The following FCER2 variants were observed in gnomAD, a reference collection of about 807,000 sequenced individuals.
FCER2 encodes the protein Fc epsilon receptor II, also known as low affinity immunoglobulin epsilon Fc receptor.
A neutral mutation model predicts 49.7 loss-of-function variants in FCER2; 38 were observed. The observed-to-expected ratio is 0.76, with a 90% CI of 0.59 to 1.00. The LOEUF is 1.00. Ranked by LOEUF, FCER2 falls within the 50% of genes least tolerant of loss-of-function variation. The probability of loss-of-function intolerance (pLI) is 0.00; values close to 1 mark genes in which losing one functional copy is unlikely to be tolerated. For missense variants in FCER2, 425 were observed against 419.5 expected (o/e 1.01, Z -0.11); for synonymous variants, 163 against 164.6 (o/e 0.99, Z 0.07).
At chr19:7,696,608 CTT>C (rs35085623) in intron 8 of FCER2, 126,816 of 583,150 alleles carry the variant, frequency 0.22, 15,007 homozygotes, top group African/African-American at 0.33. Context: ...CCATCAGAAA[CTT>C]AGTCCTATTT....
At position 7,690,441 on chromosome 19, in the gene FCER2, C is replaced by A. The variant is rs758952802; in HGVS notation, c.586G>T (p.Gly196Trp). The change falls in exon 9 of 11, where the codon GGG (glycine) becomes TGG (tryptophan). Residue 196 changes from glycine (G) to tryptophan (W), a missense_variant. Gly to Trp is a radical substitution (Grantham distance 184). Transcript: ENST00000597921. ...GGGCTGTGGATGCTGACCAGCTGCC[C>A]TTCCATGTCGTCACAGGCATACCGG... ...HARYACDDMEGQLVSIHSPEE... is the reference protein window; with the variant it reads ...HARYACDDMEWQLVSIHSPEE... The A allele has an allele frequency of 6.2e-7, 1 of 1,614,100 alleles. No homozygotes were observed. Among genetic ancestry groups the A allele is most frequent in the Non-Finnish European group, 8.5e-7 (1 of 1,179,958 alleles).
chr19:7,699,672 T>C (rs2033111391), intron 2 of FCER2, 67 bp downstream of exon 2: 1 of 1,513,760 alleles, frequency 6.6e-7, no homozygotes, highest in South Asian at 1.1e-5. Flanking sequence ...CCGCTTCTCT[T>C]CTGGGTGAAA....
At chr19:7,701,860 G>C (rs1044750050) in intron 1 of FCER2, among the ~76,000 whole-genome samples, 155 bp downstream of exon 1, 2 of 150,690 alleles carry the variant, frequency 1.3e-5, no homozygotes, top group Non-Finnish European at 1.5e-5. Context: ...TCCACACTGC[G>C]GCCCCCACCC....
chr19:7,696,094 C>T (rs1031389184), intron 8 of FCER2, among the ~76,000 whole-genome samples: 9 of 151,698 alleles, frequency 5.9e-5, no homozygotes, highest in South Asian at 4.2e-4. Context: ...CCACCACACC[C>T]GGTTAATTTT....
At position 7,689,381 on chromosome 19, in the gene FCER2, C is replaced by T. The variant is rs138745804; in HGVS notation, c.778G>A (p.Val260Met). 1.1e-5 allele frequency: 17 copies of T among 1,608,136 alleles called. No individual in the cohort carries two copies. In the Admixed American group the frequency reaches 1.4e-4, roughly 13 times the overall value. Residue 260 changes from valine (V) to methionine (M), a missense_variant, in exon 11 of 11, where the codon GTG becomes ATG. Coordinates refer to ENST00000597921, the MANE Select transcript of FCER2 (RefSeq NM_001220500.2). ...CAGCGACCGGAGCCCCGCATCATCACGCAGTCCTCGCCCTGGCTCCGGCTG... is the reference window on the plus strand; with the variant it reads ...CAGCGACCGGAGCCCCGCATCATCATGCAGTCCTCGCCCTGGCTCCGGCTG... ...PTSRSQGEDCVMMRGSGRWND... is the reference protein window; with the variant it reads ...PTSRSQGEDCMMMRGSGRWND...
Position 7,699,831 on chromosome 19 carries a change from C to A in FCER2, c.-71G>T. 2 of 1,426,344 alleles carry A rather than the reference C, an allele frequency of 1.4e-6. No individual in the cohort carries two copies. Among genetic ancestry groups the A allele is most frequent in the Non-Finnish European group, 2.0e-6 (2 of 1,010,644 alleles). 88.4% of individuals were successfully genotyped at this position (1,426,344 alleles called of 1,614,324 possible). Reference sequence around the variant, plus strand: ...GACAACGCAGTCCACTCAGCGGGCACAATCACAGCTCTGGCTGATTTGGGA... The same window carrying A: ...GACAACGCAGTCCACTCAGCGGGCAAAATCACAGCTCTGGCTGATTTGGGA... On this transcript the variant is annotated 5_prime_UTR_variant, in exon 2 of 11. Coordinates refer to ENST00000597921, the MANE Select transcript of FCER2 (RefSeq NM_001220500.2).
chr19:7,696,471 G>C (rs995511631), intron 8 of FCER2, among the ~76,000 whole-genome samples: 24 of 151,918 alleles, frequency 1.6e-4, no homozygotes, highest in Admixed American at 6.6e-5. Flanking sequence ...CCTGACCTCA[G>C]GTGATCCACC....
intron 8 of FCER2, among the ~76,000 whole-genome samples, chr19:7,691,505 A>T (rs2032870665): frequency 6.6e-6 from 1 of 151,032 alleles, no homozygotes; most frequent in Admixed American, 6.6e-5. Context: ...GGCTAGCAAC[A>T]CTTCAATCAC....
At position 7,690,510 on chromosome 19, in the gene FCER2, T is replaced by G; in HGVS notation, c.517A>C (p.Lys173Gln). 1.2e-6 allele frequency: 2 copies of G among 1,614,082 alleles called. No individual in the cohort carries two copies. Among genetic ancestry groups the G allele is most frequent in the Non-Finnish European group, 1.7e-6 (2 of 1,179,972 alleles). The change falls in exon 9 of 11, where the codon AAG becomes CAG. Residue 173 changes from lysine (K) to glutamine (Q), a missense_variant. Coordinates refer to ENST00000597921, the MANE Select transcript of FCER2 (RefSeq NM_001220500.2). Reference sequence around the variant, plus strand: ...GTGCCCTTGCCGAAGTAGTAGCACTTCCGTTGGAAATTGATCCACTTTTCA... The same window carrying G: ...GTGCCCTTGCCGAAGTAGTAGCACTGCCGTTGGAAATTGATCCACTTTTCA... Reference protein sequence around the residue: ...CPEKWINFQRKCYYFGKGTKQ... With the variant: ...CPEKWINFQRQCYYFGKGTKQ...
chr19:7,699,500 T>C (rs913602533), intron 2 of FCER2: 5 of 1,380,724 alleles, frequency 3.6e-6, no homozygotes, highest in South Asian at 1.3e-5. Flanking sequence ...TTTCTTTTTC[T>C]TTTTTTGTCA....
In FCER2 at chr19:7,694,324, C is replaced by T. The variant is rs111548584; in HGVS notation, c.469+2501G>A. 6.3e-3 allele frequency among the ~76,000 whole-genome samples: 958 copies of T among 152,266 alleles called. 9 individuals carry two copies. The highest frequency in any genetic ancestry group is 0.022 in the African/African-American group (902 of 41,546). ...AGGCCGTAGTGAGCCATGATTGTGC[C>T]ACTGCACTCCAGCCTTGGTGACAGA... is the stretch of plus-strand genomic sequence containing the variant. On this transcript the variant is annotated intron_variant, in intron 8 of 10. Transcript: ENST00000597921.
chr19:7,698,741 G>A lies in FCER2; in HGVS notation c.136C>T (p.His46Tyr), dbSNP rs746078341. Residue 46 changes from histidine (H) to tyrosine (Y), a missense_variant and splice_region_variant, in exon 3 of 11, where the codon CAC becomes TAC. Physicochemically the swap from His to Tyr is moderately conservative, Grantham distance 83. Coordinates refer to ENST00000597921, the MANE Select transcript of FCER2 (RefSeq NM_001220500.2). Reference protein sequence around the residue: ...AGLLTLLLLWHWDTTQSLKQL... With the variant: ...AGLLTLLLLWYWDTTQSLKQL... ...CACATGGAGCTGGGGGTGTCCTCAC[G>A]CCACAGGAGAAGCAGAGTCAGCAGC... is the stretch of plus-strand genomic sequence containing the variant. 13 of 1,611,972 alleles carry A rather than the reference G, an allele frequency of 8.1e-6. No individual in the cohort carries two copies. The highest frequency in any genetic ancestry group is 1.7e-5 in the Admixed American group (1 of 59,836).
At position 7,697,541 on chromosome 19, in the gene FCER2, G is replaced by A. The variant is rs145568326; in HGVS notation, c.239C>T (p.Ala80Val). 490 of 1,613,900 alleles carry A rather than the reference G, an allele frequency of 3.0e-4. 4 individuals carry two copies. The highest frequency in any genetic ancestry group is 2.7e-3 in the South Asian group (244 of 91,052). Residue 80 changes from alanine (A) to valine (V), a missense_variant, in exon 5 of 11, where the codon GCG (alanine) becomes GTG (valine). Transcript: ENST00000597921. The part of the protein sequence containing the change: ...NLESHHGDQM[A>V]QKSQSTQISQ... ...GAGTCACTCACACTGGGATTTCTGC[G>A]CCATCTGGTCACCGTGGTGGCTTTC...
Position 7,698,844 on chromosome 19 carries a change from C to G in FCER2, c.33G>C (p.Glu11Asp). The change falls in exon 3 of 11, where the codon GAG becomes GAC. Residue 11 changes from glutamate (E) to aspartate (D), a missense_variant. Physicochemically the swap from Glu to Asp is conservative, Grantham distance 45. Transcript: ENST00000597921. ...GCCTGCAACACCGCCTCCTGGGAAG[C>G]TCCTCGATCTCTGCCGGGGGTGGAG... Reference protein sequence around the residue: MEEGQYSEIEELPRRRCCRRG... With the variant: MEEGQYSEIEDLPRRRCCRRG... 1 of 1,598,632 alleles carries G rather than the reference C, an allele frequency of 6.3e-7. No homozygotes were observed. Among genetic ancestry groups the G allele is most frequent in the Non-Finnish European group, 8.5e-7 (1 of 1,174,232 alleles).
In FCER2 at chr19:7,699,587, C is replaced by T. The variant is rs62111766; in HGVS notation, c.22+152G>A. 7 of 1,174,818 alleles carry T rather than the reference C, an allele frequency of 6.0e-6. No homozygotes were observed. In the South Asian group the frequency reaches 7.2e-5, roughly 12 times the overall value. The allele number at this position is 1,174,818 out of a possible 1,614,324, so 72.8% of individuals were successfully genotyped here. ...TGGCTCTGTGCCAGGAAAGTCAGTC[C>T]GGCCTCACCTCCTTACTCACACCAG... On this transcript the variant is annotated intron_variant, in intron 2 of 10. Coordinates refer to ENST00000597921, the MANE Select transcript of FCER2 (RefSeq NM_001220500.2).
intron 8 of FCER2, among the ~76,000 whole-genome samples, chr19:7,695,975 T>G (rs117728717): frequency 0.023 from 3,309 of 144,874 alleles, 55 homozygotes; most frequent in Middle Eastern, 0.038. Flanking sequence ...TGCCCTGGAA[T>G]GCAGTGGTGC....
At position 7,699,677 on chromosome 19, in the gene FCER2, G is replaced by A. The variant is rs531275645; in HGVS notation, c.22+62C>T. On this transcript the variant is annotated intron_variant, in intron 2 of 10. Transcript: ENST00000597921. ...CTGGGGAGCCCCGCTTCTCTTCTGG[G>A]TGAAAGGCAGTAGCTAAGGGTCATT... 18 of 1,531,416 alleles carry A rather than the reference G, an allele frequency of 1.2e-5. No homozygotes were observed. In the Admixed American group the frequency reaches 2.7e-4, roughly 23 times the overall value. 94.9% of individuals were successfully genotyped at this position (1,531,416 alleles called of 1,614,324 possible). A position where few individuals can be genotyped will look rare whatever the true frequency, so the allele number is the denominator to read the frequency against.
rs375723520 is a variant in FCER2 at position 7,698,860 on chromosome 19, G to T, written c.23-6C>A. ...CCTGGGAAGCTCCTCGATCTCTGCC[G>T]GGGGTGGAGGGACTGACTATGGGTG... On this transcript the variant is annotated splice_region_variant and splice_polypyrimidine_tract_variant and intron_variant, in intron 2 of 10. Transcript: ENST00000597921. 2 of 1,578,186 alleles carry T rather than the reference G, an allele frequency of 1.3e-6. No individual in the cohort carries two copies. The highest frequency in any genetic ancestry group is 1.7e-6 in the Non-Finnish European group (2 of 1,164,692).
intron 1 of FCER2, among the ~76,000 whole-genome samples, chr19:7,700,375 T>G (rs1433850207): frequency 6.6e-6 from 1 of 152,078 alleles, no homozygotes; most frequent in Non-Finnish European, 1.5e-5. Context: ...GCACAGTGGG[T>G]CTTCGGATTC....
Sources: gnomAD v4.1 joint callset for allele counts (sites outside exome capture counted in the v4.1 genomes callset) on GRCh38, gnomAD v4.1.1 for gene constraint, MANE v1.5 for transcripts, NCBI Gene and HGNC (gene_info 2026-07-23, HGNC 2026-07-21) for gene names.